The following CIDEC variants were observed in gnomAD, a reference collection of about 807,000 sequenced individuals.
CIDEC encodes cell death inducing DFFA like effector c, also known as lipid transferase CIDEC.
CIDEC carries 11 observed loss-of-function variants against 21.9 expected under a neutral mutation model. The observed-to-expected ratio is 0.50, with a 90% CI of 0.32 to 0.83. CIDEC has a LOEUF of 0.83. Among genes scored for constraint, CIDEC ranks in the 40% least tolerant of loss-of-function variants. The pLI is 0.04. For synonymous variants in CIDEC, 127 were observed against 124.9 expected, an observed-to-expected ratio of 1.02 and a Z score of -0.11; for missense variants, 302 against 302.3, an observed-to-expected ratio of 1.00 and a Z score of 0.01.
intron 6 of CIDEC, among the ~76,000 whole-genome samples, chr3:9,868,920 G>A (rs1255053633): frequency 2.0e-5 from 3 of 152,106 alleles, no homozygotes; most frequent in African/African-American, 7.2e-5. Flanking sequence ...CTGGGCTCAA[G>A]CAATCCTCCC....
At chr3:9,873,273 T>C (rs1443750358) in intron 4 of CIDEC, among the ~76,000 whole-genome samples, 1 of 152,208 alleles carries the variant, frequency 6.6e-6, no homozygotes, top group African/African-American at 2.4e-5. Context: ...TCAAAAAAAG[T>C]TGAGGCAAGT....
Position 9,867,160 on chromosome 3 carries a change from G to A in CIDEC, c.691C>T (p.Pro231Ser), listed in dbSNP as rs766183487. 1.2e-6 allele frequency: 2 copies of A among 1,613,660 alleles called. No individual in the cohort carries two copies. The highest frequency in any genetic ancestry group is 3.3e-5 in the Admixed American group (2 of 60,012). Residue 231 changes from proline (P) to serine (S), a missense_variant, in exon 7 of 7, where the codon CCG becomes TCG. Pro to Ser is a moderately conservative substitution (Grantham distance 74). Transcript: ENST00000336832. ...PPKGKASSLI[P>S]TCLKILQ is the part of the protein sequence containing the mutation. The stretch of plus-strand genomic sequence containing the variant: ...CACTGCAGTATCTTCAGACAGGTCG[G>A]GATAAGGGATGAGGCCTTGCCCTTG...
Position 9,870,063 on chromosome 3 carries a change from T to A in CIDEC, c.373A>T (p.Arg125Trp). 1 of 1,614,112 alleles carries A rather than the reference T, an allele frequency of 6.2e-7. No individual in the cohort carries two copies. Residue 125 changes from arginine (R) to tryptophan (W), a missense_variant, in exon 6 of 7, where the codon AGG (arginine) becomes TGG (tryptophan). Transcript: ENST00000336832. ...TTATGGGAGAGGGACAGTGGGTGCC[T>A]TGTCCCCTGCATTGAGACAAGCAAA... ...KWQPPSEQGTRHPLSLSHKPA... is the reference protein window; with the variant it reads ...KWQPPSEQGTWHPLSLSHKPA...
intron 2 of CIDEC, 42 bp downstream of exon 2, chr3:9,878,900 G>C: frequency 7.8e-7 from 1 of 1,274,820 alleles, no homozygotes; most frequent in Admixed American, 2.0e-5. Flanking sequence ...CTGGCAGGAG[G>C]TGAGTCACAC....
intron 3 of CIDEC, chr3:9,878,104 T>C: frequency 3.4e-6 from 1 of 292,576 alleles, no homozygotes; most frequent in Non-Finnish European, 6.6e-6. Context: ...GCACCCACTA[T>C]GTGCCTCAGT....
chr3:9,875,364 G>A (rs2082407169), intron 4 of CIDEC, among the ~76,000 whole-genome samples: 1 of 129,054 alleles, frequency 7.7e-6, no homozygotes, highest in Admixed American at 9.6e-5. Context: ...GCGACAAAGC[G>A]AGACTCTGTC....
chr3:9,869,221 A>G (rs1447844078), intron 6 of CIDEC, among the ~76,000 whole-genome samples: 1 of 152,072 alleles, frequency 6.6e-6, no homozygotes, highest in African/African-American at 2.4e-5. Flanking sequence ...CTCATTAATT[A>G]ATGAATTCAA....
At chr3:9,877,396 C>G (rs546813962) in intron 3 of CIDEC, among the ~76,000 whole-genome samples, 177 bp from the exon 4 acceptor site, 2 of 152,296 alleles carry the variant, frequency 1.3e-5, no homozygotes, top group African/African-American at 4.8e-5. Flanking sequence ...CACGGTGGCT[C>G]ATGTCTGTAA....
chr3:9,872,366 G>C (rs952970251), intron 4 of CIDEC, among the ~76,000 whole-genome samples: 3 of 151,916 alleles, frequency 2.0e-5, no homozygotes, highest in Admixed American at 2.0e-4. Flanking sequence ...GTAGAAGTAA[G>C]GTTTTGCCAT....
rs1057056047 is a variant in CIDEC at position 9,866,762 on chromosome 3, G to A, written c.*372C>T. ...ACTCCCTAATATCACATGCTAGTGC[G>A]CTTGCGAATTCACTCAGGAATGTTC... is the stretch of plus-strand genomic sequence containing the variant. On this transcript the variant is annotated 3_prime_UTR_variant, in exon 7 of 7. Coordinates refer to ENST00000336832, the MANE Select transcript of CIDEC (RefSeq NM_001321142.2). 3.5e-5 allele frequency: 18 copies of A among 519,442 alleles called. No homozygotes were observed. The highest frequency in any genetic ancestry group is 6.6e-5 in the East Asian group (2 of 30,212). The allele number at this position is 519,442 out of a possible 1,614,324, so 32.2% of individuals were successfully genotyped here. A position where few individuals can be genotyped will look rare whatever the true frequency, so the allele number is the denominator to read the frequency against.
chr3:9,880,042 C>A (rs1251855655), intron 1 of CIDEC, among the ~76,000 whole-genome samples, 182 bp downstream of exon 1: 1 of 151,566 alleles, frequency 6.6e-6, no homozygotes, highest in Non-Finnish European at 1.5e-5. Context: ...AGCCCCTTTC[C>A]CACTTAGCAC....
Position 9,877,139 on chromosome 3 carries a change from C to G in CIDEC, c.134G>C (p.Cys45Ser). Reference protein sequence around the residue: ...PSPKAPRARPCRVSTADRSVR... With the variant: ...PSPKAPRARPSRVSTADRSVR... ...GCTTCGATCCGCCGTGCTTACGCGG[C>G]AGGGCCGGGCCCTGGGGGCCTTGGG... Residue 45 changes from cysteine (C) to serine (S), a missense_variant, in exon 4 of 7, where the codon TGC (cysteine) becomes TCC (serine). Physicochemically the swap from Cys to Ser is moderately radical, Grantham distance 112. Coordinates refer to ENST00000336832, the MANE Select transcript of CIDEC (RefSeq NM_001321142.2). 1.9e-6 allele frequency: 3 copies of G among 1,552,218 alleles called. No homozygotes were observed. In the East Asian group the frequency reaches 7.3e-5, roughly 38 times the overall value.
chr3:9,867,409 C>A, intron 6 of CIDEC, 113 bp from the exon 7 acceptor site: 1 of 1,097,378 alleles, frequency 9.1e-7, no homozygotes, highest in Non-Finnish European at 1.4e-6. Context: ...AACCTGAGGT[C>A]AGGAGTTTGA....
At chr3:9,870,686 T>C (rs2082336150) in intron 4 of CIDEC, among the ~76,000 whole-genome samples, 2 of 152,160 alleles carry the variant, frequency 1.3e-5, no homozygotes, top group South Asian at 4.1e-4. Flanking sequence ...TAAGCATAAG[T>C]AGAGAGCACA....
intron 4 of CIDEC, among the ~76,000 whole-genome samples, chr3:9,875,061 A>T (rs1417244039): frequency 6.6e-6 from 1 of 152,102 alleles, no homozygotes; most frequent in Non-Finnish European, 1.5e-5. Flanking sequence ...TATTCCTGCC[A>T]AAGATATAAA....
chr3:9,878,446 T>C lies in CIDEC; in HGVS notation c.41A>G (p.Lys14Arg), dbSNP rs971811671. 8 of 1,613,202 alleles carry C rather than the reference T, an allele frequency of 5.0e-6. No homozygotes were observed. Among genetic ancestry groups the C allele is most frequent in the Middle Eastern group, 1.6e-4 (1 of 6,062 alleles). The stretch of plus-strand genomic sequence containing the variant: ...TGACTTTCCTCACCTGGAGAGGGAC[T>C]TGGGGTAGAGAAGGCTAAGGGACTT... ...AMKSLSLLYP[K>R]SLSRHVSVRT... Residue 14 changes from lysine to arginine, a missense_variant, in exon 3 of 7, where the codon AAG becomes AGG. Physicochemically the swap from Lys to Arg is conservative, Grantham distance 26 (BLOSUM62 2). Coordinates refer to ENST00000336832, the MANE Select transcript of CIDEC (RefSeq NM_001321142.2).
chr3:9,868,258 C>T (rs2082300022), intron 6 of CIDEC, among the ~76,000 whole-genome samples: 1 of 152,148 alleles, frequency 6.6e-6, no homozygotes, highest in South Asian at 2.1e-4. Context: ...TACTTTGGAC[C>T]AACCAGATTA....
intron 5 of CIDEC, 39 bp from the exon 6 acceptor site, chr3:9,870,108 A>T (rs1385262180): frequency 4.3e-6 from 7 of 1,613,952 alleles, no homozygotes; most frequent in Non-Finnish European, 5.9e-6. Context: ...CCCCTTGAAG[A>T]CATCTCCCAG....
intron 4 of CIDEC, among the ~76,000 whole-genome samples, chr3:9,871,464 A>G (rs1452593564): frequency 6.6e-6 from 1 of 150,692 alleles, no homozygotes; most frequent in Non-Finnish European, 1.5e-5. Context: ...TGGGATTACA[A>G]GCATGAGCCA....
Sources: allele counts gnomAD v4.1 joint callset (sites outside exome capture counted in the v4.1 genomes callset), GRCh38; gene constraint gnomAD v4.1.1; transcripts MANE v1.5; gene names NCBI Gene and HGNC (gene_info 2026-07-23, HGNC 2026-07-21).